The following PLPPR1 variants were observed in gnomAD, a reference collection of about 807,000 sequenced individuals.
The protein encoded by PLPPR1 is phospholipid phosphatase-related protein type 1.
Under a neutral mutation model 33.1 loss-of-function variants are expected in PLPPR1, and 10 were observed. The observed-to-expected ratio is 0.30, with a 90% CI of 0.19 to 0.51. PLPPR1 has a LOEUF of 0.51. PLPPR1 is among the 20% of genes least tolerant of loss of function. The pLI, the probability that PLPPR1 is intolerant of heterozygous loss-of-function variation, is 0.97. For missense variants in PLPPR1, 304 were observed against 408.1 expected (o/e 0.74, Z 2.20); for synonymous variants, 151 against 151.0 (o/e 1.00, Z 0.00).
intron 2 of PLPPR1, among the ~76,000 whole-genome samples, chr9:101,186,922 G>A (rs1331961864): frequency 6.6e-6 from 1 of 151,800 alleles, no homozygotes; most frequent in Non-Finnish European, 1.5e-5. Flanking sequence ...GGTAAACAAA[G>A]AACTCATCAT....
At position 101,324,539 on chromosome 9, in the gene PLPPR1, G is replaced by A. The variant is rs1258701125; in HGVS notation, c.*482G>A. On this transcript the variant is annotated 3_prime_UTR_variant, in exon 8 of 8. Coordinates refer to ENST00000374874, the MANE Select transcript of PLPPR1 (RefSeq NM_207299.2). ...CAAAGTCAATTGTAGAAAAAAAATT[G>A]TCTTCAAAAAGAATGTTGCACTCTG... 2 of 152,918 alleles carry A rather than the reference G, an allele frequency of 1.3e-5. No homozygotes were observed. The highest frequency in any genetic ancestry group is 4.8e-5 in the African/African-American group (2 of 41,452). 9.5% of individuals were successfully genotyped at this position (152,918 alleles called of 1,614,324 possible).
intron 3 of PLPPR1, among the ~76,000 whole-genome samples, chr9:101,285,626 TA>T (rs1226457993): frequency 6.6e-6 from 1 of 152,196 alleles, no homozygotes; most frequent in Non-Finnish European, 1.5e-5. Flanking sequence ...AAAGAAGAGT[TA>T]AATTCTTATA....
At position 101,286,103 on chromosome 9, in the gene PLPPR1, G is replaced by T; in HGVS notation, c.253-1G>T. ...ACATTTCTTAAACATTCCTTCCCTA[G>T]ATTTTTATTGGTGAGATATCCATGT... On this transcript the variant is annotated splice_acceptor_variant, in intron 3 of 7. Transcript: ENST00000374874. LOFTEE classifies it high-confidence loss of function. The T allele has an allele frequency of 6.2e-7, 1 of 1,611,056 alleles. No homozygotes were observed. The highest frequency in any genetic ancestry group is 8.5e-7 in the Non-Finnish European group (1 of 1,178,004).
chr9:101,269,192 CTTTTT>C (rs569422356), intron 2 of PLPPR1, among the ~76,000 whole-genome samples: 2 of 145,818 alleles, frequency 1.4e-5, no homozygotes, highest in Non-Finnish European at 1.5e-5. Flanking sequence ...ATAACTGTGT[CTTTTT>C]TTTTTTATGT....
At chr9:101,097,938 C>T (rs1830841760) in intron 1 of PLPPR1, among the ~76,000 whole-genome samples, 2 of 152,216 alleles carry the variant, frequency 1.3e-5, no homozygotes, top group South Asian at 2.1e-4. Flanking sequence ...AATGAAAATA[C>T]GAGGAGTAGA....
chr9:101,238,361 ATATGGGTATATATATAGGG>A (rs1440698227), intron 2 of PLPPR1, among the ~76,000 whole-genome samples: 1 of 142,262 alleles, frequency 7.0e-6, no homozygotes, highest in Non-Finnish European at 1.5e-5. Context: ...GTATATATAT[ATATGGGTATATATATAGGG>A]TATATATATA....
chr9:101,164,504 G>A (rs941383041), intron 1 of PLPPR1, among the ~76,000 whole-genome samples: 2 of 151,692 alleles, frequency 1.3e-5, no homozygotes, highest in East Asian at 1.9e-4. Flanking sequence ...CTGGGATTAC[G>A]GGTGCACACC....
At chr9:101,155,781 G>A (rs747659066) in intron 1 of PLPPR1, among the ~76,000 whole-genome samples, 14 of 151,944 alleles carry the variant, frequency 9.2e-5, no homozygotes, top group Non-Finnish European at 1.6e-4. Context: ...TGTATTTTTA[G>A]TAGAGATGGG....
chr9:101,132,438 T>C (rs902441689), intron 1 of PLPPR1, among the ~76,000 whole-genome samples: 2 of 152,178 alleles, frequency 1.3e-5, no homozygotes, highest in African/African-American at 4.8e-5. Flanking sequence ...ATTTCAACTA[T>C]ATGTCATTCT....
chr9:101,242,814 A>G (rs189441175), intron 2 of PLPPR1, among the ~76,000 whole-genome samples: 71 of 152,186 alleles, frequency 4.7e-4, no homozygotes, highest in Non-Finnish European at 7.4e-4. Flanking sequence ...TGAGGCTACA[A>G]TGATAACTAG....
At chr9:101,232,403 T>C (rs988392596) in intron 2 of PLPPR1, among the ~76,000 whole-genome samples, 12 of 151,848 alleles carry the variant, frequency 7.9e-5, no homozygotes, top group African/African-American at 2.9e-4. Flanking sequence ...AAAGGCTACA[T>C]GTTATTGCTC....
At chr9:101,226,136 A>C (rs966660783) in intron 2 of PLPPR1, among the ~76,000 whole-genome samples, 1 of 152,146 alleles carries the variant, frequency 6.6e-6, no homozygotes, top group Non-Finnish European at 1.5e-5. Context: ...AGCTGCTTGC[A>C]CTATGAACAA....
At chr9:101,207,964 A>G (rs1826620334) in intron 2 of PLPPR1, among the ~76,000 whole-genome samples, 1 of 152,184 alleles carries the variant, frequency 6.6e-6, no homozygotes, top group African/African-American at 2.4e-5. Context: ...CACAGTGCTT[A>G]TCAGGAAATC....
intron 1 of PLPPR1, among the ~76,000 whole-genome samples, chr9:101,127,575 C>T (rs967824157): frequency 6.6e-6 from 1 of 152,168 alleles, no homozygotes; most frequent in African/African-American, 2.4e-5. Context: ...TCTTTTAACT[C>T]AAGATACAAT....
chr9:101,270,838 G>C lies in PLPPR1; in HGVS notation c.252+770G>C, dbSNP rs973141565. On this transcript the variant is annotated intron_variant, in intron 3 of 7. Coordinates refer to ENST00000374874, the MANE Select transcript of PLPPR1 (RefSeq NM_207299.2). Reference sequence around the variant, plus strand: ...TATGCCATAAGGTCAGATTAGTCAGGATGTGATCTTAGTTCCCATTCCCCT... The same window carrying C: ...TATGCCATAAGGTCAGATTAGTCAGCATGTGATCTTAGTTCCCATTCCCCT... 2.0e-5 allele frequency among the ~76,000 whole-genome samples: 3 copies of C among 152,084 alleles called. No individual in the cohort carries two copies. In the East Asian group the frequency reaches 5.8e-4, roughly 29 times the overall value.
Position 101,202,561 on chromosome 9 carries a change from C to T in PLPPR1, c.63+17004C>T, listed in dbSNP as rs142907546. 4.1e-3 allele frequency among the ~76,000 whole-genome samples: 618 copies of T among 152,178 alleles called. 5 individuals are homozygous for T. Among genetic ancestry groups the T allele is most frequent in the African/African-American group, 0.014 (588 of 41,538 alleles). On this transcript the variant is annotated intron_variant, in intron 2 of 7. Transcript: ENST00000374874. ...AGACTGGATTCCTCCAGAAGCCAAC[C>T]GTAAAATGAGGATTTGAATGCAAGT...
At chr9:101,263,190 A>G (rs985866224) in intron 2 of PLPPR1, among the ~76,000 whole-genome samples, 3 of 152,302 alleles carry the variant, frequency 2.0e-5, no homozygotes, top group East Asian at 3.9e-4. Context: ...TAACAGCACC[A>G]TGATACTCAC....
intron 3 of PLPPR1, among the ~76,000 whole-genome samples, chr9:101,280,210 C>T (rs1828273160): frequency 6.6e-6 from 1 of 152,002 alleles, no homozygotes; most frequent in Non-Finnish European, 1.5e-5. Context: ...AAACTCTAGA[C>T]ATATACAACT....
At position 101,179,333 on chromosome 9, in the gene PLPPR1, A is replaced by T. The variant is rs975537656; in HGVS notation, c.-45-6117A>T. 2.0e-5 allele frequency among the ~76,000 whole-genome samples: 3 copies of T among 152,198 alleles called. 1 individual carries two copies. The highest frequency in any genetic ancestry group is 1.3e-4 in the Admixed American group (2 of 15,270). On this transcript the variant is annotated intron_variant, in intron 1 of 7. Coordinates refer to ENST00000374874, the MANE Select transcript of PLPPR1 (RefSeq NM_207299.2). ...GAGTTGCTTGCTGAAGGCAAAGGGA[A>T]TATAGAATGGGTAGTAGAAGAAGTT...
Sources: gnomAD v4.1 joint callset for allele counts (sites outside exome capture counted in the v4.1 genomes callset) on GRCh38, gnomAD v4.1.1 for gene constraint, MANE v1.5 for transcripts, NCBI Gene and HGNC (gene_info 2026-07-23, HGNC 2026-07-21) for gene names.